DMD: variants seen among roughly 807,000 people sequenced by gnomAD.
DMD encodes the protein mutant dystrophin.
DMD carries 63 observed loss-of-function variants against 330.1 expected under a neutral mutation model. That is an observed-to-expected ratio of 0.19 (90% CI 0.16 to 0.24). DMD has a LOEUF of 0.24. Among genes scored for constraint, DMD ranks in the 10% least tolerant of loss-of-function variants. DMD has a pLI of 1.00. For synonymous variants in DMD, 1,223 were observed against 959.8 expected, an observed-to-expected ratio of 1.27 and a Z score of -5.07; for missense variants, 3,344 against 2,684.1, an observed-to-expected ratio of 1.25 and a Z score of -5.43.
chrX:32,508,233 A>C (rs1481234166), intron 18 of DMD, among the ~76,000 whole-genome samples: 1 of 111,088 alleles, frequency 9.0e-6, no homozygotes, highest in East Asian at 2.8e-4. Flanking sequence ...AGAAGCAGTC[A>C]ATGGTATCTG....
chrX:32,554,819 AGG>A lies in DMD; in HGVS notation c.1993-9487_1993-9486del, dbSNP rs2049993587. On this transcript the variant is annotated intron_variant, in intron 16 of 78. Transcript: ENST00000357033. ...AAACCTGGGAGGGAGGGAGGGAGGGAGGGAGGGGGAGGGAGAGAGAGAGAGAG... is the reference window on the plus strand; with the variant it reads ...AAACCTGGGAGGGAGGGAGGGAGGGAGAGGGGGAGGGAGAGAGAGAGAGAG... 1.2e-3 allele frequency among the ~76,000 whole-genome samples: 7 copies of A among 5,621 alleles called. 1 individual carries two copies. The highest frequency in any genetic ancestry group is 1.7e-3 in the Non-Finnish European group (6 of 3,518). 4.9% of individuals were successfully genotyped at this position (5,621 alleles called of 115,157 possible). A position where few individuals can be genotyped will look rare whatever the true frequency, so the allele number is the denominator to read the frequency against.
chrX:33,074,938 T>C (rs2094815868), intron 1 of DMD, among the ~76,000 whole-genome samples: 1 of 111,792 alleles, frequency 8.9e-6, no homozygotes, highest in Non-Finnish European at 1.9e-5. Flanking sequence ...ATAGTTTAAA[T>C]GACAATAGCC....
chrX:31,529,252 G>C (rs1325527648), intron 55 of DMD, among the ~76,000 whole-genome samples: 2 of 109,501 alleles, frequency 1.8e-5, no homozygotes, highest in Non-Finnish European at 3.8e-5. Context: ...GGGCATAGTG[G>C]TGCACAGCTA....
intron 1 of DMD, among the ~76,000 whole-genome samples, chrX:33,063,824 G>A (rs956486622): frequency 2.7e-5 from 3 of 110,307 alleles, no homozygotes; most frequent in African/African-American, 1.0e-4. Context: ...AGTCCTAGAT[G>A]ACCTGCTACA....
intron 13 of DMD, among the ~76,000 whole-genome samples, chrX:32,586,623 A>G (rs2054321333): frequency 9.2e-6 from 1 of 109,185 alleles, no homozygotes; most frequent in Admixed American, 9.8e-5. Context: ...AGGTTTCTGT[A>G]TTCCCCCGTT....
chrX:31,966,518 C>T (rs988669999), intron 45 of DMD, among the ~76,000 whole-genome samples: 3 of 109,260 alleles, frequency 2.7e-5, no homozygotes, highest in Non-Finnish European at 5.7e-5. Flanking sequence ...AAAAAAAAAA[C>T]TCAAGGAAGC....
chrX:31,510,475 G>C (rs2071381197), intron 55 of DMD, among the ~76,000 whole-genome samples: 1 of 100,203 alleles, frequency 1.0e-5, no homozygotes, highest in Non-Finnish European at 2.0e-5. Flanking sequence ...GGATTGATTT[G>C]TTCTGAATGA....
intron 45 of DMD, among the ~76,000 whole-genome samples, chrX:31,938,943 G>A (rs2094957864): frequency 9.0e-6 from 1 of 111,414 alleles, no homozygotes; most frequent in Admixed American, 9.6e-5. Context: ...GTCTGTGTGT[G>A]TGTGTTTTTG....
At chrX:32,327,823 A>G (rs1278394968) in intron 41 of DMD, among the ~76,000 whole-genome samples, 1 of 111,898 alleles carries the variant, frequency 8.9e-6, no homozygotes, top group Non-Finnish European at 1.9e-5. Context: ...TTTAGATCAT[A>G]TATTTTGAAA....
chrX:31,472,029 C>A (rs1471220143), intron 59 of DMD, among the ~76,000 whole-genome samples: 2 of 112,160 alleles, frequency 1.8e-5, no homozygotes, highest in African/African-American at 3.2e-5. Flanking sequence ...AATATTTTTT[C>A]TTTGTTTTTT....
At chrX:32,900,542 G>C (rs73466803) in intron 2 of DMD, among the ~76,000 whole-genome samples, 97 of 111,006 alleles carry the variant, frequency 8.7e-4, no homozygotes, top group African/African-American at 3.0e-3. Context: ...TTAATGTCTT[G>C]ATATGTTGGT....
chrX:31,885,595 G>A (rs1207561701), intron 47 of DMD, among the ~76,000 whole-genome samples: 3 of 80,198 alleles, frequency 3.7e-5, no homozygotes, highest in African/African-American at 1.0e-4. Context: ...GGGCGACAGA[G>A]CGAGACTCCG....
intron 45 of DMD, among the ~76,000 whole-genome samples, chrX:31,953,326 A>G (rs935988324): frequency 1.8e-5 from 2 of 111,900 alleles, no homozygotes; most frequent in African/African-American, 6.5e-5. Flanking sequence ...GCTTCTGGAC[A>G]TGGAGTTTTA....
At position 32,423,625 on chromosome X, in the gene DMD, A is replaced by G. The variant is rs376138103; in HGVS notation, c.4072-11712T>C. Reference sequence around the variant, plus strand: ...TATATAATATTTCGGAAAAGTAAATATGACTGTCCAAGGAAACATTATTGA... The same window carrying G: ...TATATAATATTTCGGAAAAGTAAATGTGACTGTCCAAGGAAACATTATTGA... On this transcript the variant is annotated intron_variant, in intron 29 of 78. Coordinates refer to ENST00000357033, the MANE Select transcript of DMD (RefSeq NM_004006.3). Among the ~76,000 whole-genome samples, 34 of 110,782 alleles carry G rather than the reference A, an allele frequency of 3.1e-4. 1 individual carries two copies. In the East Asian group the frequency reaches 6.0e-3, roughly 19 times the overall value.
intron 2 of DMD, among the ~76,000 whole-genome samples, chrX:32,926,140 T>A (rs2088987236): frequency 8.9e-6 from 1 of 112,003 alleles, no homozygotes; most frequent in South Asian, 3.7e-4. Flanking sequence ...AAATCTACCA[T>A]TTGTGACAAC....
intron 15 of DMD, among the ~76,000 whole-genome samples, chrX:32,572,706 T>C (rs1239100884): frequency 9.0e-6 from 1 of 110,986 alleles, no homozygotes; most frequent in Non-Finnish European, 1.9e-5. Context: ...AATTTTTTTT[T>C]GCTTGAAAAA....
chrX:31,143,850 AAG>A (rs778789593), intron 76 of DMD, among the ~76,000 whole-genome samples: 1 of 112,160 alleles, frequency 8.9e-6, no homozygotes, highest in Non-Finnish European at 1.9e-5. Context: ...TTACTTAAAA[AAG>A]GGGGAAAATC....
intron 1 of DMD, among the ~76,000 whole-genome samples, chrX:33,115,693 A>C (rs1409003098): frequency 9.3e-6 from 1 of 107,596 alleles, no homozygotes; most frequent in Non-Finnish European, 1.9e-5. Flanking sequence ...TTGTATTTTT[A>C]GTAGATACGG....
At chrX:31,327,556 G>A (rs992631759) in intron 61 of DMD, among the ~76,000 whole-genome samples, 3 of 111,954 alleles carry the variant, frequency 2.7e-5, no homozygotes, top group Non-Finnish European at 5.6e-5. Context: ...AGCACTTTCT[G>A]GAATTCCAAC....
Sources: gnomAD v4.1 joint callset for allele counts (sites outside exome capture counted in the v4.1 genomes callset) on GRCh38, gnomAD v4.1.1 for gene constraint, MANE v1.5 for transcripts, NCBI Gene and HGNC (gene_info 2026-07-23, HGNC 2026-07-21) for gene names.